Variants in PSMG4 observed in about 807,000 individuals in gnomAD.
PSMG4 encodes proteasome assembly chaperone 4.
PSMG4 carries 10 observed loss-of-function variants against 11.0 expected under a neutral mutation model. The ratio of observed to expected loss-of-function variants is 0.91; its 90% CI spans 0.56 to 1.54. The LOEUF is 1.54. Among genes scored for constraint, PSMG4 ranks in the 40% most tolerant of loss-of-function variants. The probability of loss-of-function intolerance (pLI) is 0.00; values close to 1 mark genes in which losing one functional copy is unlikely to be tolerated. For missense variants in PSMG4, 198 were observed against 160.9 expected, an observed-to-expected ratio of 1.23 and a Z score of -1.25; for synonymous variants, 95 against 71.3, an observed-to-expected ratio of 1.33 and a Z score of -1.68.
At position 3,259,007 on chromosome 6, in the gene PSMG4, G is replaced by C. The variant is rs1344974652; in HGVS notation, c.-16G>C. 1.6e-6 allele frequency: 2 copies of C among 1,242,168 alleles called. No homozygotes were observed. Among genetic ancestry groups the C allele is most frequent in the African/African-American group, 3.1e-5 (2 of 64,392 alleles). The allele number at this position is 1,242,168 out of a possible 1,614,324, so 76.9% of individuals were successfully genotyped here. On this transcript the variant is annotated 5_prime_UTR_variant, in exon 1 of 3. Coordinates refer to ENST00000438998, the MANE Select transcript of PSMG4 (RefSeq NM_001128591.2). ...GACCCGGGTCTGGCGCTGTGGGCCG[G>C]GAGCCGTGGGGCGGCATGGAGGGGC...
rs9501965 is a variant in PSMG4, at chr6:3,264,099, T to A, written c.250+340T>A. ...GAGAAGTGCCCACAGCCCCTGTGGG[T>A]GGTGGCTCAAGGTAGCCTCCCGGGC... On this transcript the variant is annotated intron_variant, in intron 2 of 2. Coordinates refer to ENST00000438998, the MANE Select transcript of PSMG4 (RefSeq NM_001128591.2). 6.2e-3 allele frequency: 9,215 copies of A among 1,497,906 alleles called. 479 individuals are homozygous for A. The African/African-American group carries it at 0.11, about 18-fold the overall frequency. 92.8% of individuals were successfully genotyped at this position (1,497,906 alleles called of 1,614,324 possible).
At chr6:3,261,818 ACT>A (rs1758002169) in intron 1 of PSMG4, among the ~76,000 whole-genome samples, 2 of 151,692 alleles carry the variant, frequency 1.3e-5, no homozygotes, top group African/African-American at 2.4e-5. Flanking sequence ...ATGCAGGTAG[ACT>A]CTGTGGAGCT....
upstream of PSMG4, among the ~76,000 whole-genome samples, chr6:3,256,638 C>G (rs997808703): frequency 1.6e-4 from 25 of 152,200 alleles, no homozygotes; most frequent in Admixed American, 1.6e-3. Context: ...AGCCGCCTGA[C>G]CATCCATTCT....
intron 2 of PSMG4, chr6:3,266,925 G>A (rs896960923): frequency 1.3e-5 from 2 of 150,678 alleles, no homozygotes; most frequent in East Asian, 2.0e-4. Flanking sequence ...GCGCGATCTT[G>A]GCTCACTGCA....
rs186237324 is a variant in PSMG4 at position 3,261,692 on chromosome 6, A to G, written c.175-1992A>G. Among the ~76,000 whole-genome samples the G allele has an allele frequency of 4.1e-4, 62 of 152,186 alleles. 1 individual carries two copies. The East Asian group carries it at 9.6e-3, about 24-fold the overall frequency. On this transcript the variant is annotated intron_variant, in intron 1 of 2. Transcript: ENST00000438998. Reference sequence around the variant, plus strand: ...GGGCAGAGAGCCGAGCCAGCTGGGGAAAAGAGGTGTAGGCATTAGCTTAAG... The same window carrying G: ...GGGCAGAGAGCCGAGCCAGCTGGGGGAAAGAGGTGTAGGCATTAGCTTAAG...
chr6:3,255,205 GGCA>G (rs1757717381), upstream of PSMG4: 6 of 1,550,316 alleles, frequency 3.9e-6, no homozygotes, highest in Non-Finnish European at 5.2e-6. Flanking sequence ...GATGTTTGGT[GGCA>G]GCAGGAGCAA....
Position 3,259,109 on chromosome 6 carries a change from C to A in PSMG4, c.87C>A (p.His29Gln). 1 of 1,278,302 alleles carries A rather than the reference C, an allele frequency of 7.8e-7. No individual in the cohort carries two copies. Among genetic ancestry groups the A allele is most frequent in the Non-Finnish European group, 9.9e-7 (1 of 1,010,982 alleles). The allele number at this position is 1,278,302 out of a possible 1,614,324, so 79.2% of individuals were successfully genotyped here. A position where few individuals can be genotyped will look rare whatever the true frequency, so the allele number is the denominator to read the frequency against. ...TGTGGGAGCAGCTGGTCCACTTCCA[C>A]GTCATGCGGCTGACGGACTCGCTGT... The part of the protein sequence containing the change: ...ARLWEQLVHF[H>Q]VMRLTDSLFL... The change falls in exon 1 of 3, where the codon CAC (histidine) becomes CAA (glutamine). Residue 29 changes from histidine to glutamine, a missense_variant. By Grantham distance (24) the His-to-Gln change is conservative. Transcript: ENST00000438998.
chr6:3,263,531 C>T (rs986396764), intron 1 of PSMG4, among the ~76,000 whole-genome samples, 153 bp from the exon 2 acceptor site: 5 of 152,224 alleles, frequency 3.3e-5, no homozygotes, highest in South Asian at 2.1e-4. Context: ...TGGTTGTTGA[C>T]GGACGCCACC....
chr6:3,255,691 A>G (rs1222840311), upstream of PSMG4, among the ~76,000 whole-genome samples: 1 of 152,216 alleles, frequency 6.6e-6, no homozygotes, highest in African/African-American at 2.4e-5. Context: ...GATCCCTCCT[A>G]TGGCCAAAAG....
intron 1 of PSMG4, among the ~76,000 whole-genome samples, chr6:3,261,867 G>C (rs1232607622): frequency 6.6e-6 from 1 of 152,300 alleles, no homozygotes; most frequent in East Asian, 1.9e-4. Context: ...AGTTGTAATA[G>C]AGACTTTGTA....
chr6:3,255,874 G>GC (rs1757744787), upstream of PSMG4, among the ~76,000 whole-genome samples: 1 of 151,794 alleles, frequency 6.6e-6, no homozygotes, highest in Admixed American at 6.6e-5. Context: ...AAATTGTTTT[G>GC]TCTTCCTCTT....
At chr6:3,259,768 A>C (rs1757906000) in intron 1 of PSMG4, among the ~76,000 whole-genome samples, 1 of 152,028 alleles carries the variant, frequency 6.6e-6, no homozygotes, top group African/African-American at 2.4e-5. Context: ...AAAGCAGACA[A>C]AACCCAAGCC....
At chr6:3,255,515 C>T (rs1757732092), upstream of PSMG4, among the ~76,000 whole-genome samples, 1 of 152,186 alleles carries the variant, frequency 6.6e-6, no homozygotes, top group African/African-American at 2.4e-5. Context: ...AGGTCATTCC[C>T]CACTGCCCAT....
chr6:3,264,122 G>A, intron 2 of PSMG4: 1 of 1,525,360 alleles, frequency 6.6e-7, no homozygotes, highest in Non-Finnish European at 8.8e-7. Context: ...TAGCCTCCCG[G>A]GCCTTAGGAG....
intron 1 of PSMG4, among the ~76,000 whole-genome samples, chr6:3,262,183 C>T (rs924196146): frequency 1.3e-5 from 2 of 152,168 alleles, no homozygotes; most frequent in Non-Finnish European, 2.9e-5. Flanking sequence ...CGCCCGGCCT[C>T]TAGGAGTGGA....
At chr6:3,265,820 C>G (rs543976368) in intron 2 of PSMG4, 2 of 152,214 alleles carry the variant, frequency 1.3e-5, no homozygotes, top group South Asian at 2.1e-4. Context: ...ACACTGCACC[C>G]AGCACACTGG....
chr6:3,258,470 T>TA (rs1291377644), upstream of PSMG4, among the ~76,000 whole-genome samples: 2 of 152,300 alleles, frequency 1.3e-5, no homozygotes, highest in East Asian at 1.9e-4. Flanking sequence ...TCCTTGGAGT[T>TA]AAAGGGCTGC....
chr6:3,264,311 C>G (rs1353314980), intron 2 of PSMG4: 20 of 1,550,754 alleles, frequency 1.3e-5, no homozygotes, highest in Non-Finnish European at 1.7e-5. Context: ...CCCCAACACA[C>G]TTCCTGTGGG....
At chr6:3,255,202 G>C (rs775245189), upstream of PSMG4, 4 of 1,550,252 alleles carry the variant, frequency 2.6e-6, no homozygotes, top group South Asian at 2.4e-5. Context: ...TAGGATGTTT[G>C]GTGGCAGCAG....
Sources: allele counts gnomAD v4.1 joint callset (sites outside exome capture counted in the v4.1 genomes callset), GRCh38; gene constraint gnomAD v4.1.1; transcripts MANE v1.5; gene names NCBI Gene and HGNC (gene_info 2026-07-23, HGNC 2026-07-21).